The following ATP6V1B2 variants were observed in gnomAD, a reference collection of about 807,000 sequenced individuals.
ATP6V1B2 encodes the protein ATPase H+ transporting V1 subunit B2, also known as V-type proton ATPase subunit B, brain isoform.
In ATP6V1B2, 23 loss-of-function variants were observed where a neutral mutation model predicts 66.7. The ratio of observed to expected loss-of-function variants is 0.34; its 90% CI spans 0.25 to 0.49. The LOEUF (loss-of-function observed/expected upper bound fraction) is 0.49. ATP6V1B2 is among the 20% of genes least tolerant of loss of function. ATP6V1B2 has a pLI of 0.99. For missense variants in ATP6V1B2, 478 were observed against 650.8 expected, an observed-to-expected ratio of 0.73 and a Z score of 2.89; for synonymous variants, 278 against 236.7, an observed-to-expected ratio of 1.17 and a Z score of -1.60.
chr8:20,199,959 A>C (rs1161967096), intron 1 of ATP6V1B2, among the ~76,000 whole-genome samples: 1 of 150,816 alleles, frequency 6.6e-6, no homozygotes, highest in Admixed American at 6.6e-5. Context: ...GAATTGATTG[A>C]TGTTATCATT....
At chr8:20,210,472 C>G in intron 4 of ATP6V1B2, 33 bp downstream of exon 4, 1 of 1,608,108 alleles carries the variant, frequency 6.2e-7, no homozygotes, top group Non-Finnish European at 8.5e-7. Context: ...AAGCCGAGAT[C>G]TGTTTCCTTT....
chr8:20,212,347 G>C (rs567912710), intron 8 of ATP6V1B2, 148 bp downstream of exon 8: 6 of 735,982 alleles, frequency 8.2e-6, no homozygotes, highest in South Asian at 7.4e-5. Context: ...CTTCTTGGTA[G>C]TTATCTGGCA....
In ATP6V1B2 at chr8:20,221,329, T is replaced by C. The variant is rs1272433508; in HGVS notation, c.*927T>C. On this transcript the variant is annotated 3_prime_UTR_variant, in exon 14 of 14. Coordinates refer to ENST00000276390, the MANE Select transcript of ATP6V1B2 (RefSeq NM_001693.4). ...TTTAAACTCTGTTAGAGAGCAGCCTTTGAAAATCCCCAATTTGGTTCTGCT... is the reference window on the plus strand; with the variant it reads ...TTTAAACTCTGTTAGAGAGCAGCCTCTGAAAATCCCCAATTTGGTTCTGCT... The C allele has an allele frequency of 1.3e-5, 2 of 152,290 alleles. No homozygotes were observed. The highest frequency in any genetic ancestry group is 4.8e-5 in the African/African-American group (2 of 41,464). 9.4% of individuals were successfully genotyped at this position (152,290 alleles called of 1,614,324 possible).
rs758406986 is a variant in ATP6V1B2 at position 20,210,615 on chromosome 8, T to A, written c.432T>A (p.Val144=). 1.9e-6 allele frequency: 3 copies of A among 1,613,800 alleles called. No homozygotes were observed. The highest frequency in any genetic ancestry group is 2.5e-6 in the Non-Finnish European group (3 of 1,179,774). Residue 144 remains valine, a synonymous_variant, in exon 5 of 14, where the codon GTT becomes GTA. Coordinates refer to ENST00000276390, the MANE Select transcript of ATP6V1B2 (RefSeq NM_001693.4). ...GAAAACCCATTGACAGAGGTCCTGT[T>A]GTACTGGCCGAAGACTTCCTTGATA... ...GSGKPIDRGP[V]VLAEDFLDIM...
At chr8:20,213,743 A>C (rs1266073281) in intron 9 of ATP6V1B2, 1 of 152,154 alleles carries the variant, frequency 6.6e-6, no homozygotes, top group East Asian at 1.9e-4. Flanking sequence ...TACTTTTTTA[A>C]GCACATAAAA....
chr8:20,206,026 T>TA (rs1170441050), intron 2 of ATP6V1B2, among the ~76,000 whole-genome samples: 1 of 152,242 alleles, frequency 6.6e-6, no homozygotes, highest in Non-Finnish European at 1.5e-5. Flanking sequence ...ACTCATTTTT[T>TA]AAAAAGCCTC....
intron 1 of ATP6V1B2, among the ~76,000 whole-genome samples, chr8:20,201,558 C>G (rs141957340): frequency 2.0e-3 from 301 of 152,204 alleles, no homozygotes; most frequent in African/African-American, 6.3e-3. Context: ...GCTGTATGAT[C>G]TCCATACTTT....
chr8:20,198,507 G>A (rs1287506168), intron 1 of ATP6V1B2, among the ~76,000 whole-genome samples: 1 of 152,212 alleles, frequency 6.6e-6, no homozygotes. Context: ...CAGTTGTGTA[G>A]CATCCAACTT....
In ATP6V1B2 at chr8:20,209,507, T is replaced by G. The variant is rs373857158; in HGVS notation, c.267T>G (p.Val89=). 1 of 1,614,004 alleles carries G rather than the reference T, an allele frequency of 6.2e-7. No homozygotes were observed. ...GTKRSGQVLE[V]SGSKAVVQVF... Reference sequence around the variant, plus strand: ...AGAGAAGTGGGCAAGTTCTGGAAGTTAGTGGTTCCAAGGCAGTAGTTCAGG... The same window carrying G: ...AGAGAAGTGGGCAAGTTCTGGAAGTGAGTGGTTCCAAGGCAGTAGTTCAGG... Residue 89 remains valine, a synonymous_variant, in exon 3 of 14, where the codon GTT becomes GTG. Transcript: ENST00000276390.
intron 1 of ATP6V1B2, among the ~76,000 whole-genome samples, chr8:20,201,050 C>T (rs1248532633): frequency 6.6e-6 from 1 of 152,170 alleles, no homozygotes; most frequent in African/African-American, 2.4e-5. Context: ...AAAATATGTG[C>T]TCCTTAAAAC....
At chr8:20,203,828 T>G in intron 1 of ATP6V1B2, 2 of 358,448 alleles carry the variant, frequency 5.6e-6, no homozygotes, top group South Asian at 4.4e-5. Flanking sequence ...AACGTTTGAC[T>G]TTTTTTAAAA....
intron 1 of ATP6V1B2, among the ~76,000 whole-genome samples, chr8:20,197,984 G>A (rs2072646109): frequency 6.6e-6 from 1 of 152,204 alleles, no homozygotes. Context: ...TCCTGCGGAG[G>A]GCAGACGGTA....
At chr8:20,217,540 C>T (rs934777078) in intron 12 of ATP6V1B2, among the ~76,000 whole-genome samples, 1 of 152,130 alleles carries the variant, frequency 6.6e-6, no homozygotes, top group African/African-American at 2.4e-5. Context: ...AAACCCATGT[C>T]TAATGCTATC....
intron 2 of ATP6V1B2, among the ~76,000 whole-genome samples, chr8:20,206,419 A>G (rs1005368458): frequency 1.1e-4 from 16 of 152,212 alleles, no homozygotes; most frequent in Non-Finnish European, 1.5e-5. Context: ...CAACTCGGCT[A>G]CAGATTGAGG....
At chr8:20,203,683 A>G (rs2072708976) in intron 1 of ATP6V1B2, among the ~76,000 whole-genome samples, 1 of 152,138 alleles carries the variant, frequency 6.6e-6, no homozygotes, top group Non-Finnish European at 1.5e-5. Flanking sequence ...GAGTGTTCTT[A>G]TACCTGATCC....
chr8:20,211,322 G>T lies in ATP6V1B2; in HGVS notation c.603+6G>T. On this transcript the variant is annotated splice_donor_region_variant and intron_variant, in intron 6 of 13. Transcript: ENST00000276390. ...CTGGGCTACCACACAATGAGGTGAG[G>T]ACTGGGATCGGTTTGCTATGAAGTT... is the stretch of plus-strand genomic sequence containing the variant. 1 of 1,608,084 alleles carries T rather than the reference G, an allele frequency of 6.2e-7. No individual in the cohort carries two copies. Among genetic ancestry groups the T allele is most frequent in the African/African-American group, 1.3e-5 (1 of 74,654 alleles).
chr8:20,216,474 C>T lies in ATP6V1B2; in HGVS notation c.1140C>T (p.Asp380=), dbSNP rs141260471. 1 of 1,613,314 alleles carries T rather than the reference C, an allele frequency of 6.2e-7. No individual in the cohort carries two copies. Among genetic ancestry groups the T allele is most frequent in the Non-Finnish European group, 8.5e-7 (1 of 1,179,456 alleles). ...TTACAGAGGGGCAGATCTATGTGGA[C>T]AGACAGCTGCACAACAGACAGGTAC... ...GYITEGQIYV[D]RQLHNRQIYP... The change falls in exon 11 of 14, where the codon GAC becomes GAT. Residue 380 remains aspartate, a synonymous_variant. Coordinates refer to ENST00000276390, the MANE Select transcript of ATP6V1B2 (RefSeq NM_001693.4).
intron 8 of ATP6V1B2, 140 bp from the exon 9 acceptor site, chr8:20,212,642 A>C: frequency 1.6e-6 from 2 of 1,260,990 alleles, no homozygotes; most frequent in Non-Finnish European, 2.2e-6. Flanking sequence ...GAATTTGTAA[A>C]ATAACAACTG....
chr8:20,219,311 C>T (rs1434165967), intron 13 of ATP6V1B2, among the ~76,000 whole-genome samples: 2 of 152,082 alleles, frequency 1.3e-5, no homozygotes, highest in African/African-American at 4.8e-5. Context: ...CCATTGGTGC[C>T]AACTTTTTCA....
Sources: allele counts gnomAD v4.1 joint callset (sites outside exome capture counted in the v4.1 genomes callset), GRCh38; gene constraint gnomAD v4.1.1; transcripts MANE v1.5; gene names NCBI Gene and HGNC (gene_info 2026-07-23, HGNC 2026-07-21).